Variants in ADGRL2 observed in about 807,000 individuals in gnomAD.
ADGRL2 encodes the protein adhesion G protein-coupled receptor L2, also known as calcium-independent alpha-latrotoxin receptor 2.
In ADGRL2, 44 loss-of-function variants were observed where a neutral mutation model predicts 157.4. The observed-to-expected ratio is 0.28, with a 90% CI of 0.22 to 0.36. The LOEUF (loss-of-function observed/expected upper bound fraction) is 0.36. Among genes scored for constraint, ADGRL2 ranks in the 10% least tolerant of loss-of-function variants. The pLI is 1.00. For synonymous variants in ADGRL2, 585 were observed against 624.7 expected (o/e 0.94, Z 0.95); for missense variants, 1,510 against 1,768.9 (o/e 0.85, Z 2.63).
At chr1:81,432,494 C>G (rs1484625226) in intron 1 of ADGRL2, among the ~76,000 whole-genome samples, 1 of 152,186 alleles carries the variant, frequency 6.6e-6, no homozygotes, top group African/African-American at 2.4e-5. Flanking sequence ...AACACTTGAA[C>G]TTTTAAAAAC....
intron 1 of ADGRL2, among the ~76,000 whole-genome samples, chr1:81,408,877 T>C (rs1421379181): frequency 1.3e-5 from 2 of 152,176 alleles, no homozygotes; most frequent in Non-Finnish European, 2.9e-5. Flanking sequence ...GCCAAAGAAA[T>C]AAAGCAGCAA....
intron 1 of ADGRL2, among the ~76,000 whole-genome samples, chr1:81,700,322 G>A (rs542836277): frequency 2.6e-5 from 4 of 152,100 alleles, no homozygotes; most frequent in African/African-American, 4.8e-5. Context: ...TAACATTTAC[G>A]GATCTCTCTG....
intron 3 of ADGRL2, among the ~76,000 whole-genome samples, chr1:81,657,621 A>G (rs1412718496): frequency 2.0e-5 from 3 of 152,068 alleles, no homozygotes; most frequent in Non-Finnish European, 4.4e-5. Context: ...GTCAATTACA[A>G]GAGGGGTGTG....
intron 1 of ADGRL2, among the ~76,000 whole-genome samples, chr1:81,821,000 C>T (rs2090938588): frequency 6.6e-6 from 1 of 151,988 alleles, no homozygotes; most frequent in South Asian, 2.1e-4. Context: ...CAGAATTGTC[C>T]TGGTGTGTGA....
At chr1:81,794,734 A>T (rs1254804595) in intron 2 of ADGRL2, among the ~76,000 whole-genome samples, 1 of 152,180 alleles carries the variant, frequency 6.6e-6, no homozygotes, top group East Asian at 1.9e-4. Context: ...TAAGTGATTG[A>T]TTTCATACTG....
chr1:81,505,740 CAAAAAAAAAAAA>C (rs59062091), intron 2 of ADGRL2, among the ~76,000 whole-genome samples: 2 of 85,082 alleles, frequency 2.4e-5, no homozygotes, highest in Non-Finnish European at 4.8e-5. Flanking sequence ...TGTCCTCCTG[CAAAAAAAAAAAA>C]AAAAAAAAAA....
At position 81,990,494 on chromosome 1, in the gene ADGRL2, C is replaced by G. The variant is rs750420668; in HGVS notation, c.3759C>G (p.Asp1253Glu). 1 of 1,614,108 alleles carries G rather than the reference C, an allele frequency of 6.2e-7. No homozygotes were observed. Among genetic ancestry groups the G allele is most frequent in the South Asian group, 1.1e-5 (1 of 91,074 alleles). ...CGCTGCACAAGGGTGACTATAATGACAGCGTGCAAGTTGTGGACTGTGGAC... is the reference window on the plus strand; with the variant it reads ...CGCTGCACAAGGGTGACTATAATGAGAGCGTGCAAGTTGTGGACTGTGGAC... Reference protein sequence around the residue: ...SYSLHKGDYNDSVQVVDCGLS... With the variant: ...SYSLHKGDYNESVQVVDCGLS... The change falls in exon 24 of 24, where the codon GAC becomes GAG. Residue 1253 changes from aspartate (D) to glutamate (E), a missense_variant. This residue lies in a region of ADGRL2 where 327 missense variants were observed against 310.1 expected (regional missense o/e 1.05). Transcript: ENST00000686636.
At chr1:81,476,450 T>C (rs1270581630) in intron 2 of ADGRL2, among the ~76,000 whole-genome samples, 1 of 152,080 alleles carries the variant, frequency 6.6e-6, no homozygotes, top group African/African-American at 2.4e-5. Context: ...AAAAGATGGA[T>C]TATATTTACC....
At chr1:81,906,968 T>C (rs370067354) in intron 2 of ADGRL2, 49 bp from the exon 3 acceptor site, 253 of 1,411,050 alleles carry the variant, frequency 1.8e-4, no homozygotes, top group Non-Finnish European at 2.5e-4. Flanking sequence ...TAAAATAATT[T>C]ATCTTATAAA....
chr1:81,437,282 T>C (rs1342867548), intron 1 of ADGRL2, among the ~76,000 whole-genome samples: 1 of 148,426 alleles, frequency 6.7e-6, no homozygotes, highest in Non-Finnish European at 1.5e-5. Context: ...TCTCTACTGT[T>C]TTTACAAAAA....
chr1:81,440,577 A>G (rs2077490383), intron 1 of ADGRL2, among the ~76,000 whole-genome samples: 1 of 152,178 alleles, frequency 6.6e-6, no homozygotes, highest in African/African-American at 2.4e-5. Context: ...CAAAATTTCT[A>G]GTTCTAGTTT....
intron 1 of ADGRL2, among the ~76,000 whole-genome samples, chr1:81,348,060 G>A (rs765915079): frequency 1.3e-5 from 2 of 152,180 alleles, no homozygotes; most frequent in African/African-American, 4.8e-5. Flanking sequence ...AGCCAACCAG[G>A]TAGCCACCAC....
chr1:81,702,488 G>A (rs955336564), intron 1 of ADGRL2, among the ~76,000 whole-genome samples: 4 of 152,144 alleles, frequency 2.6e-5, no homozygotes, highest in Non-Finnish European at 4.4e-5. Flanking sequence ...ATCCAGGATG[G>A]TGAAAGAACT....
intron 3 of ADGRL2, among the ~76,000 whole-genome samples, chr1:81,690,619 A>G (rs552523661): frequency 6.6e-6 from 1 of 152,334 alleles, no homozygotes; most frequent in South Asian, 2.1e-4. Context: ...TGTTTTGGCT[A>G]TCTAAACAAA....
intron 3 of ADGRL2, among the ~76,000 whole-genome samples, chr1:81,619,722 G>GGT (rs1411927018): frequency 3.4e-5 from 4 of 117,006 alleles, no homozygotes; most frequent in African/African-American, 8.2e-5. Context: ...CTAAAAGAGG[G>GGT]GTGTGTGTAT....
chr1:81,574,657 T>A lies in ADGRL2; in HGVS notation c.-247-6219T>A, dbSNP rs185879980. Among the ~76,000 whole-genome samples, 2 of 152,288 alleles carry A rather than the reference T, an allele frequency of 1.3e-5. 1 individual carries two copies. The highest frequency in any genetic ancestry group is 3.9e-4 in the East Asian group (2 of 5,186). Reference sequence around the variant, plus strand: ...CCAAAGAAGTAGCATGAATCAGCTCTGTGGATAAAATTTTCTCAGGCTGCG... The same window carrying A: ...CCAAAGAAGTAGCATGAATCAGCTCAGTGGATAAAATTTTCTCAGGCTGCG... On this transcript the variant is annotated intron_variant, in intron 2 of 24. Transcript: ENST00000370721.
chr1:81,695,043 G>A (rs1055628372), upstream of ADGRL2, among the ~76,000 whole-genome samples: 1 of 151,978 alleles, frequency 6.6e-6, no homozygotes, highest in Non-Finnish European at 1.5e-5. Flanking sequence ...TTCTGGAAAA[G>A]TCTCAAAAAT....
At chr1:81,625,479 T>A (rs1473276789) in intron 3 of ADGRL2, among the ~76,000 whole-genome samples, 5 of 152,206 alleles carry the variant, frequency 3.3e-5, no homozygotes, top group Admixed American at 3.3e-4. Context: ...AGAAAAGTTG[T>A]GTTAGATACT....
chr1:81,498,548 G>C (rs900640810), intron 2 of ADGRL2, among the ~76,000 whole-genome samples: 1 of 152,180 alleles, frequency 6.6e-6, no homozygotes, highest in African/African-American at 2.4e-5. Context: ...TAAGCAAAGA[G>C]CCGGAACATC....
Sources: allele counts gnomAD v4.1 joint callset (sites outside exome capture counted in the v4.1 genomes callset), GRCh38; gene constraint gnomAD v4.1.1; regional missense constraint gnomAD v4.1.1; transcripts MANE v1.5; gene names NCBI Gene and HGNC (gene_info 2026-07-23, HGNC 2026-07-21).